The following MYOCD variants were observed in gnomAD, a reference collection of about 807,000 sequenced individuals.
MYOCD encodes myocardin.
A neutral mutation model predicts 96.1 loss-of-function variants in MYOCD; 32 were observed. The observed-to-expected ratio is 0.33, with a 90% confidence interval of 0.25 to 0.45. The LOEUF is 0.45. MYOCD is among the 20% of genes least tolerant of loss of function. MYOCD has a pLI of 1.00. For synonymous variants in MYOCD, 469 were observed against 469.0 expected, an observed-to-expected ratio of 1.00 and a Z score of 0.00; for missense variants, 1,133 against 1,200.6, an observed-to-expected ratio of 0.94 and a Z score of 0.83.
chr17:12,719,195 A>AAAAAAAAAAAAAAAAAAAAAAC (rs2031745566), intron 4 of MYOCD, among the ~76,000 whole-genome samples: 1 of 149,018 alleles, frequency 6.7e-6, no homozygotes, highest in Admixed American at 6.7e-5. Context: ...AAAAAAAAAA[A>AAAAAAAAAAAAAAAAAAAAAAC]AAAAAAAAAG....
intron 5 of MYOCD, among the ~76,000 whole-genome samples, chr17:12,729,953 C>T (rs1305456223): frequency 1.3e-5 from 2 of 152,086 alleles, no homozygotes; most frequent in Non-Finnish European, 2.9e-5. Context: ...TGAAGATCAT[C>T]CTGGGCAGCA....
intron 4 of MYOCD, among the ~76,000 whole-genome samples, chr17:12,722,113 A>G (rs957630881): frequency 2.0e-4 from 30 of 152,286 alleles, no homozygotes; most frequent in African/African-American, 7.0e-4. Context: ...GAAGGTGCAA[A>G]CTCTTATAGA....
At chr17:12,708,083 G>C (rs1189671109) in intron 2 of MYOCD, among the ~76,000 whole-genome samples, 2 of 152,118 alleles carry the variant, frequency 1.3e-5, no homozygotes, top group East Asian at 3.9e-4. Flanking sequence ...TCTCTGCAGT[G>C]CTGGTTCTCT....
In MYOCD at chr17:12,754,391, C is replaced by A. The variant is rs530926348; in HGVS notation, c.2058+1045C>A. Among the ~76,000 whole-genome samples the A allele has an allele frequency of 5.0e-3, 765 of 152,296 alleles. 6 individuals carry two copies. The highest frequency in any genetic ancestry group is 7.3e-3 in the Admixed American group (111 of 15,296). On this transcript the variant is annotated intron_variant, in intron 10 of 13. Coordinates refer to ENST00000425538, the MANE Select transcript of MYOCD (RefSeq NM_001146312.3). ...TGCTGGGATTACAGGCGTGAGCCAC[C>A]ATGCCCAGCCGGAAATTTGCAACTT...
chr17:12,707,307 C>T (rs2031323045), intron 2 of MYOCD, among the ~76,000 whole-genome samples: 1 of 152,048 alleles, frequency 6.6e-6, no homozygotes, highest in Non-Finnish European at 1.5e-5. Flanking sequence ...TATTATAAAC[C>T]AGGCTATGTA....
At chr17:12,761,037 C>A in intron 13 of MYOCD, 1 of 211,126 alleles carries the variant, frequency 4.7e-6, no homozygotes, top group South Asian at 1.5e-4. Context: ...CCTACCTTCT[C>A]AATTATAATA....
At chr17:12,740,532 T>C (rs2032476123) in intron 7 of MYOCD, among the ~76,000 whole-genome samples, 1 of 152,210 alleles carries the variant, frequency 6.6e-6, no homozygotes, top group African/African-American at 2.4e-5. Context: ...TAGCATTCCA[T>C]GTTGTATATG....
chr17:12,756,695 C>CAAGAAAAAAAAA (rs2033022468), intron 11 of MYOCD, 138 bp downstream of exon 11: 1 of 134,328 alleles, frequency 7.4e-6, no homozygotes, highest in Non-Finnish European at 1.3e-5. Context: ...GACTGCATCT[C>CAAGAAAAAAAAA]AAAAAAAAAA....
intron 7 of MYOCD, among the ~76,000 whole-genome samples, chr17:12,743,139 C>CTA (rs1352131323): frequency 6.6e-6 from 1 of 152,192 alleles, no homozygotes; most frequent in African/African-American, 2.4e-5. Context: ...TCTTCCAAGA[C>CTA]TATACCCTTA....
At chr17:12,676,432 C>G (rs916053553) in intron 1 of MYOCD, among the ~76,000 whole-genome samples, 3 of 151,970 alleles carry the variant, frequency 2.0e-5, no homozygotes, top group Non-Finnish European at 4.4e-5. Context: ...GGGATCCATT[C>G]CCAAAATGAT....
chr17:12,741,481 G>A (rs1051413187), intron 7 of MYOCD, among the ~76,000 whole-genome samples: 3 of 152,204 alleles, frequency 2.0e-5, no homozygotes, highest in African/African-American at 7.2e-5. Flanking sequence ...GCCGAGGCGG[G>A]CAGATCACCT....
rs757541827 is a variant in MYOCD, at chr17:12,752,526, C to G, written c.1238C>G (p.Pro413Arg). ...CAGGACTGCTCTGGCAACCCAGTGC[C>G]GAACTTTGGGGATATAACGACTGTC... The part of the protein sequence containing the change: ...PFQDCSGNPV[P>R]NFGDITTVTF... The change falls in exon 10 of 14, where the codon CCG becomes CGG. Residue 413 changes from proline to arginine, a missense_variant. Physicochemically the swap from Pro to Arg is moderately radical, Grantham distance 103 (BLOSUM62 -2). Coordinates refer to ENST00000425538, the MANE Select transcript of MYOCD (RefSeq NM_001146312.3). 2 of 1,614,034 alleles carry G rather than the reference C, an allele frequency of 1.2e-6. No homozygotes were observed. The highest frequency in any genetic ancestry group is 4.5e-5 in the East Asian group (2 of 44,886).
rs151173342 is a variant in MYOCD at position 12,752,512 on chromosome 17, T to C, written c.1224T>C (p.Ser408=). Residue 408 remains serine, a synonymous_variant, in exon 10 of 14, where the codon TCT becomes TCC. Coordinates refer to ENST00000425538, the MANE Select transcript of MYOCD (RefSeq NM_001146312.3). ...MDRLRPFQDC[S]GNPVPNFGDI... The stretch of plus-strand genomic sequence containing the variant: ...GGCTTCGACCCTTCCAGGACTGCTC[T>C]GGCAACCCAGTGCCGAACTTTGGGG... 13 of 1,614,102 alleles carry C rather than the reference T, an allele frequency of 8.1e-6. No individual in the cohort carries two copies. In the Admixed American group the frequency reaches 2.2e-4, roughly 27 times the overall value.
chr17:12,706,592 G>A (rs2031297842), intron 2 of MYOCD, among the ~76,000 whole-genome samples: 1 of 152,200 alleles, frequency 6.6e-6, no homozygotes, highest in Non-Finnish European at 1.5e-5. Context: ...CTGAGCCTGG[G>A]TCTTGCAGCT....
chr17:12,685,027 G>A (rs905904916), intron 1 of MYOCD, among the ~76,000 whole-genome samples: 25 of 152,154 alleles, frequency 1.6e-4, no homozygotes, highest in Admixed American at 5.2e-4. Context: ...CAGGCATAGC[G>A]GCTCATGCCT....
chr17:12,746,556 G>C (rs2032668929), intron 9 of MYOCD, among the ~76,000 whole-genome samples: 1 of 152,102 alleles, frequency 6.6e-6, no homozygotes, highest in Non-Finnish European at 1.5e-5. Flanking sequence ...TTTAGCCAAA[G>C]AGAAACATGA....
intron 1 of MYOCD, among the ~76,000 whole-genome samples, chr17:12,674,953 C>T (rs1909928521): frequency 6.6e-6 from 1 of 152,026 alleles, no homozygotes; most frequent in Non-Finnish European, 1.5e-5. Context: ...CACTTAAACA[C>T]TTTAAAACTC....
At chr17:12,688,377 A>G (rs2030240593) in intron 1 of MYOCD, among the ~76,000 whole-genome samples, 1 of 152,258 alleles carries the variant, frequency 6.6e-6, no homozygotes, top group Admixed American at 6.5e-5. Flanking sequence ...AGCCAGATTC[A>G]TTGTGAAATT....
chr17:12,668,885 T>C (rs1297518468), intron 1 of MYOCD, among the ~76,000 whole-genome samples: 1 of 152,178 alleles, frequency 6.6e-6, no homozygotes, highest in African/African-American at 2.4e-5. Flanking sequence ...AATATTGATG[T>C]GCAGTGGGAC....
Sources: gnomAD v4.1 joint callset for allele counts (sites outside exome capture counted in the v4.1 genomes callset) on GRCh38, gnomAD v4.1.1 for gene constraint, MANE v1.5 for transcripts, NCBI Gene and HGNC (gene_info 2026-07-23, HGNC 2026-07-21) for gene names.